Variants in WWOX observed in about 807,000 individuals in gnomAD.
The protein encoded by WWOX is WW domain-containing oxidoreductase.
A neutral mutation model predicts 46.2 loss-of-function variants in WWOX; 69 were observed. The ratio of observed to expected loss-of-function variants is 1.49; its 90% CI spans 1.23 to 1.82. WWOX has a LOEUF of 1.82. Ranked by LOEUF, WWOX falls within the 40% of genes most tolerant of loss-of-function variation. The probability of loss-of-function intolerance (pLI) is 0.00; values close to 1 mark genes in which losing one functional copy is unlikely to be tolerated. For missense variants in WWOX, 919 were observed against 542.6 expected (o/e 1.69, Z -6.89); for synonymous variants, 359 against 202.6 (o/e 1.77, Z -6.56).
chr16:78,916,535 C>G (rs1176214488), intron 8 of WWOX, among the ~76,000 whole-genome samples: 1 of 152,140 alleles, frequency 6.6e-6, no homozygotes, highest in African/African-American at 2.4e-5. Flanking sequence ...TTATAATTTA[C>G]CATCCAATGG....
intron 8 of WWOX, among the ~76,000 whole-genome samples, chr16:78,578,321 A>G (rs1409492606): frequency 4.6e-5 from 4 of 87,822 alleles, no homozygotes; most frequent in Non-Finnish European, 8.1e-5. Flanking sequence ...TCGGAGTCTC[A>G]CCCTTTCACC....
chr16:78,743,505 G>C (rs1445505480), intron 8 of WWOX, among the ~76,000 whole-genome samples: 1 of 152,064 alleles, frequency 6.6e-6, no homozygotes, highest in Admixed American at 6.6e-5. Context: ...AGGATCTGGA[G>C]GCAGGGAATC....
intron 8 of WWOX, among the ~76,000 whole-genome samples, chr16:78,681,173 C>T (rs968850019): frequency 1.3e-5 from 2 of 152,078 alleles, no homozygotes; most frequent in East Asian, 1.9e-4. Flanking sequence ...CACTTGAACC[C>T]GAGAGGCGGA....
At chr16:78,973,570 G>A (rs561277698) in intron 8 of WWOX, among the ~76,000 whole-genome samples, 1 of 152,016 alleles carries the variant, frequency 6.6e-6, no homozygotes, top group South Asian at 2.1e-4. Context: ...TGGGGGCAGG[G>A]GGCACAGTTT....
At chr16:78,753,653 T>C (rs1042186352) in intron 8 of WWOX, among the ~76,000 whole-genome samples, 1 of 150,888 alleles carries the variant, frequency 6.6e-6, no homozygotes, top group Non-Finnish European at 1.5e-5. Context: ...TAAACAGAAA[T>C]TAGCTGGGCA....
intron 8 of WWOX, among the ~76,000 whole-genome samples, chr16:78,971,712 C>T (rs116739508): frequency 0.035 from 5,278 of 151,234 alleles, 335 homozygotes; most frequent in African/African-American, 0.12. Flanking sequence ...GATAAATCGC[C>T]CCCCCACCCC....
At chr16:78,321,621 G>A (rs1475022827) in intron 5 of WWOX, among the ~76,000 whole-genome samples, 2 of 152,102 alleles carry the variant, frequency 1.3e-5, no homozygotes, top group African/African-American at 2.4e-5. Context: ...TTGAATTTAT[G>A]TATTATCTTA....
chr16:78,630,717 G>T (rs182865522), intron 8 of WWOX, among the ~76,000 whole-genome samples: 1 of 152,156 alleles, frequency 6.6e-6, no homozygotes, highest in Non-Finnish European at 1.5e-5. Context: ...GAGTGTGACC[G>T]TATGCTGAGT....
At chr16:78,527,856 G>T (rs528846898) in intron 8 of WWOX, among the ~76,000 whole-genome samples, 1 of 151,814 alleles carries the variant, frequency 6.6e-6, no homozygotes, top group Admixed American at 6.6e-5. Flanking sequence ...GTGGGCAAAG[G>T]CCAGGGATAG....
At chr16:78,544,346 C>G (rs1390688105) in intron 8 of WWOX, among the ~76,000 whole-genome samples, 2 of 152,196 alleles carry the variant, frequency 1.3e-5, no homozygotes, top group South Asian at 2.1e-4. Context: ...ATTGAGAGCA[C>G]TCTTCTGAAC....
intron 8 of WWOX, among the ~76,000 whole-genome samples, chr16:78,578,393 C>T (rs534808592): frequency 6.1e-5 from 9 of 146,774 alleles, no homozygotes; most frequent in South Asian, 2.2e-4. Flanking sequence ...GGGTTCACGC[C>T]ATTCTCCTGC....
intron 5 of WWOX, among the ~76,000 whole-genome samples, chr16:78,287,048 A>G (rs2079779760): frequency 6.6e-6 from 1 of 152,186 alleles, no homozygotes; most frequent in Non-Finnish European, 1.5e-5. Flanking sequence ...CTGGGAGGGA[A>G]TTAGCCATTT....
At chr16:79,004,046 C>G (rs1373154469) in intron 8 of WWOX, 4 of 152,220 alleles carry the variant, frequency 2.6e-5, no homozygotes, top group Admixed American at 6.5e-5. Context: ...GGCCAACACA[C>G]CATGCCTTCC....
intron 8 of WWOX, among the ~76,000 whole-genome samples, chr16:78,812,119 C>A (rs2051205241): frequency 6.6e-6 from 1 of 152,132 alleles, no homozygotes; most frequent in African/African-American, 2.4e-5. Flanking sequence ...CCAGCCACCA[C>A]AGAGACCAAA....
At chr16:78,865,455 T>G (rs576563493) in intron 8 of WWOX, among the ~76,000 whole-genome samples, 2 of 152,224 alleles carry the variant, frequency 1.3e-5, no homozygotes, top group Non-Finnish European at 2.9e-5. Context: ...TCTTCCTTGC[T>G]GAGGCTTTTG....
chr16:78,591,648 A>G (rs1339970212), intron 8 of WWOX, among the ~76,000 whole-genome samples: 1 of 152,220 alleles, frequency 6.6e-6, no homozygotes, highest in Non-Finnish European at 1.5e-5. Context: ...CAGCTGACCA[A>G]GCTCTAAAAT....
At chr16:78,923,758 T>C (rs1247597769) in intron 8 of WWOX, among the ~76,000 whole-genome samples, 1 of 151,382 alleles carries the variant, frequency 6.6e-6, no homozygotes, top group African/African-American at 2.4e-5. Flanking sequence ...TCACAAGTGA[T>C]GATCTGGGTT....
intron 8 of WWOX, among the ~76,000 whole-genome samples, chr16:78,671,604 T>C (rs910302313): frequency 1.3e-5 from 2 of 152,140 alleles, no homozygotes; most frequent in African/African-American, 4.8e-5. Flanking sequence ...CCTGATTTTC[T>C]TACCTATAAA....
intron 8 of WWOX, among the ~76,000 whole-genome samples, chr16:78,717,703 T>G (rs148135388): frequency 2.0e-5 from 3 of 152,290 alleles, no homozygotes; most frequent in Admixed American, 1.3e-4. Context: ...ACTTCATTGC[T>G]TCTTTGATAC....
Sources: gnomAD v4.1 joint callset for allele counts (sites outside exome capture counted in the v4.1 genomes callset) on GRCh38, gnomAD v4.1.1 for gene constraint, MANE v1.5 for transcripts, NCBI Gene and HGNC (gene_info 2026-07-23, HGNC 2026-07-21) for gene names.